Variants in AP1S3 observed in about 807,000 individuals in gnomAD.
AP1S3 encodes the protein AP-1 complex subunit sigma-3.
A neutral mutation model predicts 20.9 loss-of-function variants in AP1S3; 10 were observed. The ratio of observed to expected loss-of-function variants is 0.48; its 90% CI spans 0.29 to 0.81. The LOEUF is 0.81. Ranked by LOEUF, AP1S3 falls within the 30% of genes least tolerant of loss-of-function variation. AP1S3 has a pLI of 0.08. For missense variants in AP1S3, 154 were observed against 183.8 expected (o/e 0.84, Z 0.94); for synonymous variants, 41 against 61.5 (o/e 0.67, Z 1.56).
chr2:223,805,326 C>T (rs1691554110), intron 1 of AP1S3, among the ~76,000 whole-genome samples: 1 of 152,138 alleles, frequency 6.6e-6, no homozygotes, highest in South Asian at 2.1e-4. Flanking sequence ...ACCTGTAATC[C>T]TGGCTACTCG....
intron 2 of AP1S3, chr2:223,776,287 C>T (rs1275986179): frequency 1.5e-5 from 7 of 459,718 alleles, no homozygotes; most frequent in Non-Finnish European, 2.9e-5. Flanking sequence ...TCCTTTCGCT[C>T]TTGGTAATCA....
At chr2:223,786,780 T>C (rs1337485882) in intron 1 of AP1S3, among the ~76,000 whole-genome samples, 1 of 151,862 alleles carries the variant, frequency 6.6e-6, no homozygotes, top group East Asian at 1.9e-4. Flanking sequence ...TGGCACACAA[T>C]TGCAGTCCCA....
intron 3 of AP1S3, among the ~76,000 whole-genome samples, chr2:223,766,802 C>G (rs1690495290): frequency 6.6e-6 from 1 of 152,156 alleles, no homozygotes; most frequent in African/African-American, 2.4e-5. Context: ...TTGGAACCAA[C>G]CCAAATGCCC....
chr2:223,763,802 T>A (rs1319873995), intron 4 of AP1S3, among the ~76,000 whole-genome samples: 1 of 152,218 alleles, frequency 6.6e-6, no homozygotes, highest in Non-Finnish European at 1.5e-5. Flanking sequence ...GAGCAAGTAA[T>A]CAGCCTAAAG....
chr2:223,765,172 C>T, intron 4 of AP1S3, 41 bp downstream of exon 4: 1 of 1,607,438 alleles, frequency 6.2e-7, no homozygotes, highest in Non-Finnish European at 8.5e-7. Flanking sequence ...TCATCATCAT[C>T]ATCATCATCT....
rs558759766 is a variant in AP1S3 at position 223,821,260 on chromosome 2, A to T, written c.3+16188T>A. 2.0e-5 allele frequency among the ~76,000 whole-genome samples: 3 copies of T among 152,128 alleles called. No individual in the cohort carries two copies. The East Asian group carries it at 5.8e-4, about 29-fold the overall frequency. On this transcript the variant is annotated intron_variant, in intron 1 of 4. Coordinates refer to ENST00000396654, the MANE Select transcript of AP1S3 (RefSeq NM_001039569.2). ...AACCTCCACCTCCCAGATTCAAGCG[A>T]TTTTCCTGCCTTAGCCTCCTGAATA...
At chr2:223,823,904 A>G (rs1311009778) in intron 1 of AP1S3, among the ~76,000 whole-genome samples, 5 of 152,222 alleles carry the variant, frequency 3.3e-5, no homozygotes, top group African/African-American at 1.2e-4. Context: ...GATTTAAAAA[A>G]TAAACTTCCC....
intron 1 of AP1S3, among the ~76,000 whole-genome samples, chr2:223,788,316 TAAG>T (rs1691123157): frequency 6.6e-6 from 1 of 151,324 alleles, no homozygotes; most frequent in Admixed American, 6.6e-5. Context: ...TTTTCGCCCT[TAAG>T]AAGAGATATT....
At chr2:223,761,494 C>T (rs1376174765) in intron 4 of AP1S3, among the ~76,000 whole-genome samples, 2 of 151,894 alleles carry the variant, frequency 1.3e-5, no homozygotes, top group East Asian at 3.9e-4. Flanking sequence ...GTGCGATTAC[C>T]GCTCACTGCA....
chr2:223,777,452 T>C (rs1482049359), intron 2 of AP1S3, among the ~76,000 whole-genome samples: 1 of 152,202 alleles, frequency 6.6e-6, no homozygotes, highest in Non-Finnish European at 1.5e-5. Context: ...CCACTTTTCT[T>C]GAATGCATGC....
chr2:223,755,639 T>A lies in AP1S3; in HGVS notation c.*3076A>T, dbSNP rs2106069809. On this transcript the variant is annotated 3_prime_UTR_variant, in exon 5 of 5. Coordinates refer to ENST00000396654, the MANE Select transcript of AP1S3 (RefSeq NM_001039569.2). ...TCTGCCTCCCGGGTTCAAGCGATTCTCCTGCCTCAGCCTCCTGAGTAGCTG... is the reference window on the plus strand; with the variant it reads ...TCTGCCTCCCGGGTTCAAGCGATTCACCTGCCTCAGCCTCCTGAGTAGCTG... Among the ~76,000 whole-genome samples the A allele has an allele frequency of 6.6e-6, 1 of 151,498 alleles. No individual in the cohort carries two copies. The highest frequency in any genetic ancestry group is 6.6e-5 in the Admixed American group (1 of 15,160).
chr2:223,806,475 A>G (rs1225620013), intron 1 of AP1S3, among the ~76,000 whole-genome samples: 3 of 151,774 alleles, frequency 2.0e-5, no homozygotes, highest in Non-Finnish European at 2.9e-5. Context: ...TAGTAGAGAC[A>G]GGGTTTCACC....
rs1215916269 is a variant in AP1S3 at position 223,756,114 on chromosome 2, G to A, written c.*2601C>T. On this transcript the variant is annotated 3_prime_UTR_variant, in exon 5 of 5. Transcript: ENST00000396654. ...AGCACTTTGGAAGGCCAAGGCGGGC[G>A]GATCACCTGAGGTCGGCGTTCAAGA... The A allele has an allele frequency of 3.9e-5, 35 of 899,686 alleles. No individual in the cohort carries two copies. The highest frequency in any genetic ancestry group is 5.1e-5 in the South Asian group (1 of 19,562). The allele number at this position is 899,686 out of a possible 1,614,324, so 55.7% of individuals were successfully genotyped here.
At chr2:223,782,295 A>T (rs1229151903) in intron 1 of AP1S3, among the ~76,000 whole-genome samples, 1 of 152,158 alleles carries the variant, frequency 6.6e-6, no homozygotes, top group African/African-American at 2.4e-5. Context: ...TTACAGGTGT[A>T]AGCCACTGTG....
At chr2:223,828,694 G>C (rs1692189905) in intron 1 of AP1S3, among the ~76,000 whole-genome samples, 1 of 151,694 alleles carries the variant, frequency 6.6e-6, no homozygotes, top group African/African-American at 2.4e-5. Context: ...CACACTCTCT[G>C]AGGCCCAGAC....
chr2:223,798,380 G>A (rs1373950946), intron 1 of AP1S3, among the ~76,000 whole-genome samples: 1 of 152,142 alleles, frequency 6.6e-6, no homozygotes, highest in Non-Finnish European at 1.5e-5. Flanking sequence ...GATCTGAGGG[G>A]GCAGAACAGA....
At chr2:223,784,836 C>T (rs1365166231) in intron 1 of AP1S3, among the ~76,000 whole-genome samples, 1 of 151,546 alleles carries the variant, frequency 6.6e-6, no homozygotes, top group Non-Finnish European at 1.5e-5. Flanking sequence ...GCATCTCTAC[C>T]AAAAAATAAT....
Position 223,757,611 on chromosome 2 carries a change from G to A in AP1S3, c.*1104C>T. ...CCTACAAGCTATTTCCCTGTAATAT[G>A]TCTGATCACTGTTAGGACCTGGTTA... On this transcript the variant is annotated 3_prime_UTR_variant, in exon 5 of 5. Transcript: ENST00000396654. The A allele has an allele frequency of 1.0e-6, 1 of 985,378 alleles. No homozygotes were observed. Among genetic ancestry groups the A allele is most frequent in the Non-Finnish European group, 1.2e-6 (1 of 829,942 alleles). 61.0% of individuals were successfully genotyped at this position (985,378 alleles called of 1,614,324 possible).
At chr2:223,831,374 T>C (rs1411789392) in intron 1 of AP1S3, among the ~76,000 whole-genome samples, 11 of 152,180 alleles carry the variant, frequency 7.2e-5, no homozygotes, top group Non-Finnish European at 1.5e-4. Flanking sequence ...ACTCAAGCAA[T>C]CCACACACCT....
Sources: allele counts gnomAD v4.1 joint callset (sites outside exome capture counted in the v4.1 genomes callset), GRCh38; gene constraint gnomAD v4.1.1; transcripts MANE v1.5; gene names NCBI Gene and HGNC (gene_info 2026-07-23, HGNC 2026-07-21).